The following PHF3 variants were observed in gnomAD, a reference collection of about 807,000 sequenced individuals.
The protein encoded by PHF3 is PHD finger protein 3.
In PHF3, 41 loss-of-function variants were observed where a neutral mutation model predicts 178.4. The observed-to-expected ratio is 0.23, with a 90% CI of 0.18 to 0.30. The LOEUF is 0.30. Ranked by LOEUF, PHF3 falls within the 10% of genes least tolerant of loss-of-function variation. The probability of loss-of-function intolerance (pLI) is 1.00; values close to 1 mark genes in which losing one functional copy is unlikely to be tolerated. For missense variants in PHF3, 2,346 were observed against 2,398.1 expected (o/e 0.98, Z 0.45); for synonymous variants, 842 against 800.5 (o/e 1.05, Z -0.88).
chr6:63,711,552 T>C, intron 15 of PHF3, 34 bp from the exon 16 acceptor site: 2 of 1,514,380 alleles, frequency 1.3e-6, no homozygotes, highest in Non-Finnish European at 1.8e-6. Context: ...TGATTGAAAA[T>C]GATGAATTAA....
intron 3 of PHF3, 32 bp downstream of exon 3, chr6:63,680,193 T>G (rs943675462): frequency 1.9e-6 from 3 of 1,552,634 alleles, no homozygotes; most frequent in African/African-American, 1.4e-5. Flanking sequence ...AGCTAGAAAA[T>G]TAGAGGTATA....
chr6:63,714,200 T>C lies in PHF3; in HGVS notation c.*492T>C, dbSNP rs1369885427. On this transcript the variant is annotated 3_prime_UTR_variant, in exon 16 of 16. Transcript: ENST00000262043. ...AATCAGATTATGCTAATCATTTAGT[T>C]GAGCAGTTTTTGACCAAGAATCAGA... is the stretch of plus-strand genomic sequence containing the variant. The C allele has an allele frequency of 6.5e-6, 1 of 153,062 alleles. No homozygotes were observed. The highest frequency in any genetic ancestry group is 2.4e-5 in the African/African-American group (1 of 41,444). The allele number at this position is 153,062 out of a possible 1,614,324, so 9.5% of individuals were successfully genotyped here. A position where few individuals can be genotyped will look rare whatever the true frequency, so the allele number is the denominator to read the frequency against.
In PHF3 at chr6:63,721,663, T is replaced by C. The variant is rs1554163993; in HGVS notation, c.*7955T>C. The C allele has an allele frequency of 7.7e-6, 12 of 1,551,530 alleles. No individual in the cohort carries two copies. The highest frequency in any genetic ancestry group is 2.0e-5 in the Admixed American group (1 of 50,988). ...TCCAGGTAGCCTTCTGCACCAACTC[T>C]TCCTGCTTTTATTATATGCCAAGTA... On this transcript the variant is annotated 3_prime_UTR_variant, in exon 16 of 16. Transcript: ENST00000262043.
intron 2 of PHF3, among the ~76,000 whole-genome samples, chr6:63,664,073 T>C (rs1480494509): frequency 6.6e-6 from 1 of 152,126 alleles, no homozygotes; most frequent in East Asian, 1.9e-4. Context: ...TTCCAGTAAA[T>C]GAGGGAGAAT....
Position 63,725,635 on chromosome 6 carries a change from TTTTCTC to T in PHF3, c.*11931_*11936del, listed in dbSNP as rs1390730889. ...CTGTATTTTATAGCTCAATTGTACT[TTTTCTC>T]TTTGAAATTATTTTGAGGGTATTTC... On this transcript the variant is annotated 3_prime_UTR_variant, in exon 16 of 16. Transcript: ENST00000262043. Among the ~76,000 whole-genome samples, 1 of 152,076 alleles carries T rather than the reference TTTTCTC, an allele frequency of 6.6e-6. No individual in the cohort carries two copies. Among genetic ancestry groups the T allele is most frequent in the Non-Finnish European group, 1.5e-5 (1 of 67,960 alleles).
At position 63,720,912 on chromosome 6, in the gene PHF3, C is replaced by T. The variant is rs908612569; in HGVS notation, c.*7204C>T. 6.4e-7 allele frequency: 1 copy of T among 1,551,060 alleles called. No individual in the cohort carries two copies. The highest frequency in any genetic ancestry group is 1.4e-5 in the African/African-American group (1 of 73,132). The stretch of plus-strand genomic sequence containing the variant: ...AACTACATGGTGCCATTTATTACAA[C>T]AGAATGTGCCATTGTTATAGCTCAT... On this transcript the variant is annotated 3_prime_UTR_variant, in exon 16 of 16. Coordinates refer to ENST00000262043, the MANE Select transcript of PHF3 (RefSeq NM_001370348.2).
At chr6:63,707,103 T>C (rs986547634) in intron 13 of PHF3, among the ~76,000 whole-genome samples, 8 of 152,264 alleles carry the variant, frequency 5.3e-5, no homozygotes, top group South Asian at 4.1e-4. Flanking sequence ...TCCCAAGATG[T>C]ACTGCCTCAC....
rs1360311663 is a variant in PHF3 at position 63,724,346 on chromosome 6, T to G, written c.*10638T>G. Among the ~76,000 whole-genome samples the G allele has an allele frequency of 6.6e-6, 1 of 152,188 alleles. No individual in the cohort carries two copies. Among genetic ancestry groups the G allele is most frequent in the Non-Finnish European group, 1.5e-5 (1 of 68,026 alleles). On this transcript the variant is annotated 3_prime_UTR_variant, in exon 16 of 16. Coordinates refer to ENST00000262043, the MANE Select transcript of PHF3 (RefSeq NM_001370348.2). ...TAATATTTGTGAAGAGACTACAGAATCAGCATATCAGGGGAATTGTATATA... is the reference window on the plus strand; with the variant it reads ...TAATATTTGTGAAGAGACTACAGAAGCAGCATATCAGGGGAATTGTATATA...
At chr6:63,669,441 CT>C (rs1286339566) in intron 2 of PHF3, among the ~76,000 whole-genome samples, 5 of 152,148 alleles carry the variant, frequency 3.3e-5, no homozygotes, top group Non-Finnish European at 7.4e-5. Context: ...TGTTTCTCGT[CT>C]TTTTATAATA....
At chr6:63,641,144 A>G (rs921429223) in intron 1 of PHF3, among the ~76,000 whole-genome samples, 9 of 152,204 alleles carry the variant, frequency 5.9e-5, no homozygotes, top group Non-Finnish European at 4.4e-5. Flanking sequence ...GAAATTGCTT[A>G]TTTTAAACGA....
Position 63,706,163 on chromosome 6 carries a change from T to C in PHF3, c.3502T>C (p.Ser1168Pro). The change falls in exon 12 of 16, where the codon TCT becomes CCT. Residue 1168 changes from serine (S) to proline (P), a missense_variant. Ser to Pro is a moderately conservative substitution (Grantham distance 74). Around this residue, in one of 8 missense-constraint regions of PHF3, gnomAD observed 205 missense variants for 212.4 expected, o/e 0.97. Coordinates refer to ENST00000262043, the MANE Select transcript of PHF3 (RefSeq NM_001370348.2). The part of the protein sequence containing the change: ...ALSSTSNILA[S>P]EFFEEEKQES... ...ATCTTCAACCTCAAATATTTTGGCT[T>C]CTGAATTCTTTGAGGAGGAGAAACA... is the stretch of plus-strand genomic sequence containing the variant. 6.2e-7 allele frequency: 1 copy of C among 1,614,008 alleles called. No homozygotes were observed. Among genetic ancestry groups the C allele is most frequent in the Non-Finnish European group, 8.5e-7 (1 of 1,179,924 alleles).
intron 1 of PHF3, among the ~76,000 whole-genome samples, chr6:63,638,991 AC>A (rs1221575348): frequency 6.6e-6 from 1 of 152,148 alleles, no homozygotes; most frequent in Non-Finnish European, 1.5e-5. Flanking sequence ...AGTCTGGGAA[AC>A]AAGATTCATT....
At chr6:63,670,444 A>G (rs1038354123) in intron 2 of PHF3, among the ~76,000 whole-genome samples, 3 of 151,746 alleles carry the variant, frequency 2.0e-5, no homozygotes, top group Admixed American at 6.6e-5. Context: ...AATTTTTTGT[A>G]TTTTTAGTAG....
chr6:63,716,148 T>A lies in PHF3; in HGVS notation c.*2440T>A, dbSNP rs912169343. On this transcript the variant is annotated 3_prime_UTR_variant, in exon 16 of 16. Transcript: ENST00000262043. ...TTTGAGCACTTAGTATAAACATTGG[T>A]CAACTCAAAGGTGAAGGCTTAGAGC... Among the ~76,000 whole-genome samples, 1 of 152,080 alleles carries A rather than the reference T, an allele frequency of 6.6e-6. No individual in the cohort carries two copies. Among genetic ancestry groups the A allele is most frequent in the African/African-American group, 2.4e-5 (1 of 41,424 alleles).
In PHF3 at chr6:63,721,304, T is replaced by G; in HGVS notation, c.*7596T>G. ...TCAAACAGGACACAGACTGGTTACA[T>G]GTATTTCCAGCCCAATCTGGCAAAC... On this transcript the variant is annotated 3_prime_UTR_variant, in exon 16 of 16. Transcript: ENST00000262043. The G allele has an allele frequency of 1.9e-6, 3 of 1,551,992 alleles. No individual in the cohort carries two copies. Among genetic ancestry groups the G allele is most frequent in the Non-Finnish European group, 2.6e-6 (3 of 1,147,008 alleles).
chr6:63,680,546 T>C (rs566136836), intron 3 of PHF3, among the ~76,000 whole-genome samples: 3 of 148,624 alleles, frequency 2.0e-5, no homozygotes, highest in African/African-American at 7.8e-5. Flanking sequence ...CTTGTCCCCA[T>C]CATATAATTT....
chr6:63,649,335 A>G (rs985503629), intron 2 of PHF3, among the ~76,000 whole-genome samples: 4 of 152,196 alleles, frequency 2.6e-5, no homozygotes, highest in Non-Finnish European at 4.4e-5. Context: ...TTAAATAAAA[A>G]CAACATAGTT....
chr6:63,650,904 TA>T (rs1294022661), intron 2 of PHF3, among the ~76,000 whole-genome samples: 1 of 150,904 alleles, frequency 6.6e-6, no homozygotes, highest in African/African-American at 2.5e-5. Context: ...TATTACTCCC[TA>T]TTTGTACTTT....
intron 14 of PHF3, among the ~76,000 whole-genome samples, chr6:63,709,628 A>G (rs1767841030): frequency 6.6e-6 from 1 of 152,186 alleles, no homozygotes. Context: ...AGTTGATTGG[A>G]GTGTTGTCCT....
Sources: allele counts gnomAD v4.1 joint callset (sites outside exome capture counted in the v4.1 genomes callset), GRCh38; gene constraint gnomAD v4.1.1; regional missense constraint gnomAD v4.1.1; transcripts MANE v1.5; gene names NCBI Gene and HGNC (gene_info 2026-07-23, HGNC 2026-07-21).